CBLN2: variants seen among roughly 807,000 people sequenced by gnomAD.
The protein encoded by CBLN2 is cerebellin 2 precursor.
Under a neutral mutation model 15.0 loss-of-function variants are expected in CBLN2, and 7 were observed. That is an observed-to-expected ratio of 0.47 (90% CI 0.27 to 0.88). CBLN2 has a LOEUF of 0.88. Among genes scored for constraint, CBLN2 ranks in the 40% least tolerant of loss-of-function variants. The probability of loss-of-function intolerance (pLI) is 0.14; values close to 1 mark genes in which losing one functional copy is unlikely to be tolerated. For missense variants in CBLN2, 242 were observed against 304.5 expected (o/e 0.79, Z 1.53); for synonymous variants, 149 against 135.2 (o/e 1.10, Z -0.71).
intron 1 of CBLN2, chr18:72,619,184 C>A (rs2144964442): frequency 1.2e-6 from 1 of 802,324 alleles, no homozygotes; most frequent in Non-Finnish European, 2.1e-6. Flanking sequence ...GGGGTGGTTC[C>A]AGTAGCAGCA....
At chr18:72,559,873 G>A (rs1438659055) in intron 1 of CBLN2, among the ~76,000 whole-genome samples, 1 of 152,204 alleles carries the variant, frequency 6.6e-6, no homozygotes, top group Non-Finnish European at 1.5e-5. Context: ...AGCAAAGAAA[G>A]ACACAGAGCA....
chr18:72,570,695 C>A (rs1288613144), intron 1 of CBLN2, among the ~76,000 whole-genome samples: 1 of 152,084 alleles, frequency 6.6e-6, no homozygotes, highest in Non-Finnish European at 1.5e-5. Flanking sequence ...GCATCAAAAC[C>A]ATCAACGCAA....
intron 1 of CBLN2, among the ~76,000 whole-genome samples, chr18:72,576,071 G>A (rs896385252): frequency 6.6e-6 from 1 of 152,148 alleles, no homozygotes; most frequent in African/African-American, 2.4e-5. Flanking sequence ...GTAGATGTTA[G>A]GGAATGGAGA....
rs367917128 is a variant in CBLN2, at chr18:72,567,384, G to C, written c.16-28612C>G. 2.6e-5 allele frequency among the ~76,000 whole-genome samples: 4 copies of C among 152,222 alleles called. No individual in the cohort carries two copies. The East Asian group carries it at 7.7e-4, about 29-fold the overall frequency. On this transcript the variant is annotated intron_variant, in intron 1 of 2. Coordinates refer to the CBLN2 transcript ENST00000581073. ...TCCTAAAATGTATGTGAGTGGTTTG[G>C]AAGCTAGCATTCTGTCAGTCACCTC...
chr18:72,566,070 A>G (rs1352396571), intron 1 of CBLN2, among the ~76,000 whole-genome samples: 1 of 152,200 alleles, frequency 6.6e-6, no homozygotes, highest in Non-Finnish European at 1.5e-5. Context: ...AAAAAATGCT[A>G]AAAGTCACAA....
intron 1 of CBLN2, among the ~76,000 whole-genome samples, chr18:72,629,568 G>T (rs1361012442): frequency 6.6e-6 from 1 of 151,956 alleles, no homozygotes; most frequent in African/African-American, 2.4e-5. Flanking sequence ...TGTTGGGTAG[G>T]GCAAAAAGAA....
chr18:72,619,724 T>G (rs2069687135), intron 1 of CBLN2, among the ~76,000 whole-genome samples: 1 of 152,220 alleles, frequency 6.6e-6, no homozygotes, highest in Non-Finnish European at 1.5e-5. Flanking sequence ...ATTATGATCA[T>G]CTTAACTCCT....
At chr18:72,545,366 G>T (rs538980066), upstream of CBLN2, among the ~76,000 whole-genome samples, 11 of 152,322 alleles carry the variant, frequency 7.2e-5, no homozygotes, top group South Asian at 2.1e-3. Flanking sequence ...GGTTAACCTA[G>T]CATGCAAAAT....
intron 1 of CBLN2, among the ~76,000 whole-genome samples, chr18:72,551,257 T>C (rs2069190326): frequency 6.6e-6 from 1 of 152,154 alleles, no homozygotes; most frequent in African/African-American, 2.4e-5. Flanking sequence ...TACACATCTA[T>C]ACATATATAT....
At chr18:72,596,951 A>G (rs1229298456) in intron 1 of CBLN2, among the ~76,000 whole-genome samples, 1 of 152,134 alleles carries the variant, frequency 6.6e-6, no homozygotes, top group African/African-American at 2.4e-5. Flanking sequence ...GAATGTTGAT[A>G]TCTTTCTCTA....
intron 1 of CBLN2, among the ~76,000 whole-genome samples, chr18:72,612,679 C>A (rs1218032328): frequency 1.3e-5 from 2 of 152,206 alleles, no homozygotes; most frequent in African/African-American, 4.8e-5. Context: ...AATGTCTATT[C>A]TGCGGAGATT....
chr18:72,576,908 A>G (rs12967534), intron 1 of CBLN2, among the ~76,000 whole-genome samples: 105,780 of 147,476 alleles, frequency 0.72, 38,469 homozygotes, highest in South Asian at 0.87. Flanking sequence ...GTGTGTATAT[A>G]TACATTTATT....
At chr18:72,593,067 G>T (rs114582396) in intron 1 of CBLN2, among the ~76,000 whole-genome samples, 1,758 of 152,156 alleles carry the variant, frequency 0.012, 37 homozygotes, top group African/African-American at 0.04. Context: ...TGAATCTGTA[G>T]ACTGCTTTGG....
intron 1 of CBLN2, among the ~76,000 whole-genome samples, chr18:72,623,170 G>A (rs571260679): frequency 4.5e-4 from 68 of 152,102 alleles, no homozygotes; most frequent in Non-Finnish European, 4.9e-4. Flanking sequence ...AGAACATCAT[G>A]GGGGAATTCA....
At chr18:72,610,712 A>G (rs948494778) in intron 1 of CBLN2, among the ~76,000 whole-genome samples, 1 of 152,198 alleles carries the variant, frequency 6.6e-6, no homozygotes, top group Non-Finnish European at 1.5e-5. Context: ...CAGTGGTGGT[A>G]AACCTGGCTT....
chr18:72,545,650 A>G (rs2069152603), upstream of CBLN2, among the ~76,000 whole-genome samples: 2 of 152,188 alleles, frequency 1.3e-5, no homozygotes, highest in African/African-American at 4.8e-5. Flanking sequence ...GCCCCCATCC[A>G]TCATTCCACC....
At chr18:72,550,977 C>T (rs745985860) in intron 1 of CBLN2, among the ~76,000 whole-genome samples, 2 of 151,944 alleles carry the variant, frequency 1.3e-5, no homozygotes, top group African/African-American at 4.8e-5. Flanking sequence ...TCCTGTATGC[C>T]GATGGGTAAT....
At chr18:72,563,183 A>T (rs1284392696) in intron 1 of CBLN2, among the ~76,000 whole-genome samples, 1 of 152,224 alleles carries the variant, frequency 6.6e-6, no homozygotes, top group African/African-American at 2.4e-5. Flanking sequence ...GTAAAGCCAG[A>T]TTTACATTAT....
chr18:72,555,012 G>A (rs2144886050), intron 1 of CBLN2, among the ~76,000 whole-genome samples: 1 of 152,192 alleles, frequency 6.6e-6, no homozygotes, highest in South Asian at 2.1e-4. Flanking sequence ...GCACGTGCCT[G>A]TAATCCCAGC....
Sources: gnomAD v4.1 joint callset for allele counts (sites outside exome capture counted in the v4.1 genomes callset) on GRCh38, gnomAD v4.1.1 for gene constraint, MANE v1.5 for transcripts, NCBI Gene and HGNC (gene_info 2026-07-23, HGNC 2026-07-21) for gene names.